The following ELP3 variants were observed in gnomAD, a reference collection of about 807,000 sequenced individuals.
ELP3 encodes elongator acetyltransferase complex subunit 3.
Under a neutral mutation model 74.9 loss-of-function variants are expected in ELP3, and 56 were observed. That is an observed-to-expected ratio of 0.75 (90% confidence interval 0.60 to 0.93). The LOEUF is 0.93. Among genes scored for constraint, ELP3 ranks in the 40% least tolerant of loss-of-function variants. The pLI, the probability that ELP3 is intolerant of heterozygous loss-of-function variation, is 0.00. For synonymous variants in ELP3, 222 were observed against 239.8 expected, an observed-to-expected ratio of 0.93 and a Z score of 0.68; for missense variants, 573 against 686.5, an observed-to-expected ratio of 0.83 and a Z score of 1.85.
intron 14 of ELP3, among the ~76,000 whole-genome samples, chr8:28,186,204 T>C (rs1176127050): frequency 2.0e-5 from 3 of 152,130 alleles, no homozygotes; most frequent in Non-Finnish European, 2.9e-5. Context: ...GGTTGGTGTT[T>C]AGTGGGTACA....
chr8:28,140,093 C>T (rs535211141), intron 10 of ELP3, among the ~76,000 whole-genome samples: 3 of 149,284 alleles, frequency 2.0e-5, no homozygotes, highest in East Asian at 2.0e-4. Context: ...CTTTGGATAC[C>T]GAGGGACAAC....
chr8:28,189,519 A>T, intron 14 of ELP3, 130 bp from the exon 15 acceptor site: 1 of 741,542 alleles, frequency 1.3e-6, no homozygotes, highest in Non-Finnish European at 2.3e-6. Context: ...CAAACTTATT[A>T]AGCTGAGATT....
At chr8:28,187,934 A>G (rs566453595) in intron 14 of ELP3, among the ~76,000 whole-genome samples, 2 of 152,348 alleles carry the variant, frequency 1.3e-5, no homozygotes, top group South Asian at 4.1e-4. Context: ...TCAGTGTCAC[A>G]GGAAGCGCGT....
upstream of ELP3, among the ~76,000 whole-genome samples, chr8:28,091,095 A>C (rs538009209): frequency 1.3e-5 from 2 of 151,918 alleles, no homozygotes; most frequent in Non-Finnish European, 2.9e-5. Flanking sequence ...TTTAGTGGAG[A>C]CGGGGTTTCA....
At chr8:28,112,063 T>C (rs1811937924) in intron 6 of ELP3, among the ~76,000 whole-genome samples, 1 of 152,200 alleles carries the variant, frequency 6.6e-6, no homozygotes, top group Admixed American at 6.5e-5. Flanking sequence ...TTTTAAAAAT[T>C]AGAATCTTGG....
chr8:28,135,751 G>A (rs77313068), intron 9 of ELP3, among the ~76,000 whole-genome samples: 352 of 152,194 alleles, frequency 2.3e-3, no homozygotes, highest in Admixed American at 4.7e-3. Flanking sequence ...CCTCTGATCC[G>A]TGAGCCTTTC....
chr8:28,115,503 G>A (rs957499315), intron 7 of ELP3, among the ~76,000 whole-genome samples: 1 of 152,198 alleles, frequency 6.6e-6, no homozygotes, highest in African/African-American at 2.4e-5. Flanking sequence ...GGAAATGGCA[G>A]CAAAGGAGGA....
In ELP3 at chr8:28,190,950, C is replaced by T. The variant is rs557212563; in HGVS notation, c.*1225C>T. Reference sequence around the variant, plus strand: ...TGTGTGAAAGCAAAACAATGGAAAACAGGATTGGCTTCTTCAAAGGCTCCT... The same window carrying T: ...TGTGTGAAAGCAAAACAATGGAAAATAGGATTGGCTTCTTCAAAGGCTCCT... On this transcript the variant is annotated 3_prime_UTR_variant, in exon 15 of 15. Coordinates refer to ENST00000256398, the MANE Select transcript of ELP3 (RefSeq NM_018091.6). The T allele has an allele frequency of 4.6e-5, 7 of 152,296 alleles. No homozygotes were observed. In the South Asian group the frequency reaches 1.5e-3, roughly 32 times the overall value. 9.4% of individuals were successfully genotyped at this position (152,296 alleles called of 1,614,324 possible). A position where few individuals can be genotyped will look rare whatever the true frequency, so the allele number is the denominator to read the frequency against.
At chr8:28,127,860 TG>T (rs1462343890) in intron 7 of ELP3, among the ~76,000 whole-genome samples, 1 of 152,196 alleles carries the variant, frequency 6.6e-6, no homozygotes, top group East Asian at 1.9e-4. Flanking sequence ...AAATAAACAA[TG>T]CAAAAGAGTT....
intron 14 of ELP3, among the ~76,000 whole-genome samples, chr8:28,167,886 T>C (rs759065616): frequency 6.6e-6 from 1 of 152,208 alleles, no homozygotes; most frequent in Non-Finnish European, 1.5e-5. Context: ...TTAAAGACAA[T>C]GGATACAATA....
intron 14 of ELP3, among the ~76,000 whole-genome samples, chr8:28,163,131 T>G (rs1814168341): frequency 6.6e-6 from 1 of 152,210 alleles, no homozygotes; most frequent in African/African-American, 2.4e-5. Context: ...GAAAATTCAG[T>G]ACAGCATGTG....
At chr8:28,137,581 C>A in intron 9 of ELP3, 117 bp from the exon 10 acceptor site, 1 of 961,716 alleles carries the variant, frequency 1.0e-6, no homozygotes, top group Non-Finnish European at 1.6e-6. Flanking sequence ...TGGTCAGAAG[C>A]AAAGGCTGCC....
intron 10 of ELP3, among the ~76,000 whole-genome samples, chr8:28,142,340 T>C (rs1813275571): frequency 6.6e-6 from 1 of 152,184 alleles, no homozygotes; most frequent in Non-Finnish European, 1.5e-5. Context: ...TATGGAGAAT[T>C]GGCCCATAGG....
At chr8:28,144,000 TTTAA>T (rs1813340337) in intron 10 of ELP3, among the ~76,000 whole-genome samples, 1 of 152,242 alleles carries the variant, frequency 6.6e-6, no homozygotes. Context: ...TTTTATTTTA[TTTAA>T]TTAAGGGTAT....
intron 10 of ELP3, among the ~76,000 whole-genome samples, chr8:28,138,253 T>A (rs1423172423): frequency 1.3e-5 from 2 of 152,136 alleles, no homozygotes; most frequent in African/African-American, 4.8e-5. Flanking sequence ...GTGTGTGCAA[T>A]CTCTGTTCTA....
chr8:28,119,617 TATATATATATATG>T (rs1812283922), intron 7 of ELP3, among the ~76,000 whole-genome samples: 4 of 87,206 alleles, frequency 4.6e-5, no homozygotes, highest in Non-Finnish European at 6.8e-5. Context: ...TATATATATA[TATATATATATATG>T]AACACATATA....
chr8:28,183,708 C>T (rs368329344), intron 14 of ELP3, among the ~76,000 whole-genome samples: 29 of 152,216 alleles, frequency 1.9e-4, no homozygotes, highest in Admixed American at 5.2e-4. Flanking sequence ...ACAAAGCCTG[C>T]GTTTGGACTC....
intron 3 of ELP3, among the ~76,000 whole-genome samples, chr8:28,104,075 CTTG>C (rs1811593932): frequency 6.6e-6 from 1 of 152,298 alleles, no homozygotes; most frequent in East Asian, 1.9e-4. Flanking sequence ...GTGGTATCTC[CTTG>C]TTGTTTAGTT....
chr8:28,162,075 T>C lies in ELP3; in HGVS notation c.1564T>C (p.Ser522Pro), dbSNP rs1383998703. The C allele has an allele frequency of 2.5e-6, 4 of 1,613,998 alleles. No individual in the cohort carries two copies. The highest frequency in any genetic ancestry group is 3.4e-6 in the Non-Finnish European group (4 of 1,179,972). ...EHGSGKIAVI[S>P]GVGTRNYYRK... ...TGGGTCTGGGAAAATCGCTGTGATA[T>C]CAGGTAACTGGGGGAGGGCGAAGTT... The change falls in exon 14 of 15, where the codon TCA (serine) becomes CCA (proline). Residue 522 changes from serine (S) to proline (P), a missense_variant. Ser to Pro is a moderately conservative substitution (Grantham distance 74). Coordinates refer to ENST00000256398, the MANE Select transcript of ELP3 (RefSeq NM_018091.6).
Sources: gnomAD v4.1 joint callset for allele counts (sites outside exome capture counted in the v4.1 genomes callset) on GRCh38, gnomAD v4.1.1 for gene constraint, MANE v1.5 for transcripts, NCBI Gene and HGNC (gene_info 2026-07-23, HGNC 2026-07-21) for gene names.